RBM27: variants seen among roughly 807,000 people sequenced by gnomAD.
RBM27 encodes the protein RNA binding motif protein 27.
A neutral mutation model predicts 135.3 loss-of-function variants in RBM27; 22 were observed. The observed-to-expected ratio is 0.16, with a 90% CI of 0.12 to 0.23. RBM27 has a LOEUF of 0.23. Ranked by LOEUF, RBM27 falls within the 10% of genes least tolerant of loss-of-function variation. The pLI, the probability that RBM27 is intolerant of heterozygous loss-of-function variation, is 1.00. For synonymous variants in RBM27, 481 were observed against 442.4 expected, an observed-to-expected ratio of 1.09 and a Z score of -1.10; for missense variants, 1,009 against 1,281.0, an observed-to-expected ratio of 0.79 and a Z score of 3.24.
At chr5:146,233,776 G>C (rs938128487) in intron 7 of RBM27, 33 bp downstream of exon 7, 14 of 1,348,144 alleles carry the variant, frequency 1.0e-5, no homozygotes, top group Non-Finnish European at 1.3e-5. Context: ...TTTCTCTAGC[G>C]TTCTGTTTAG....
intron 1 of RBM27, among the ~76,000 whole-genome samples, chr5:146,206,303 G>GTT (rs761175102): frequency 2.2e-5 from 2 of 89,930 alleles, no homozygotes; most frequent in African/African-American, 7.4e-5. Context: ...TTCGTTTTTT[G>GTT]TTTTTTTTTT....
At chr5:146,269,632 C>A in intron 17 of RBM27, 48 bp downstream of exon 17, 2 of 1,335,338 alleles carry the variant, frequency 1.5e-6, no homozygotes, top group African/African-American at 1.5e-5. Context: ...GAACATCTGC[C>A]ATGTGCTTGA....
chr5:146,222,668 A>G (rs894516080), intron 2 of RBM27, among the ~76,000 whole-genome samples: 23 of 152,222 alleles, frequency 1.5e-4, no homozygotes, highest in Admixed American at 2.0e-4. Context: ...TGGGCAACAG[A>G]GCAAGATTCT....
intron 9 of RBM27, among the ~76,000 whole-genome samples, chr5:146,252,314 C>T (rs1016275939): frequency 6.6e-6 from 1 of 152,136 alleles, no homozygotes; most frequent in African/African-American, 2.4e-5. Flanking sequence ...CATAATGTAG[C>T]GATTCTTAAA....
intron 1 of RBM27, among the ~76,000 whole-genome samples, chr5:146,211,464 CTTTT>C (rs57117642): frequency 9.2e-4 from 46 of 49,918 alleles, no homozygotes; most frequent in East Asian, 6.3e-3. Flanking sequence ...ATGGTCTTAT[CTTTT>C]TTTTTTTTTT....
At chr5:146,238,061 A>G (rs1011822642) in intron 8 of RBM27, among the ~76,000 whole-genome samples, 1 of 152,188 alleles carries the variant, frequency 6.6e-6, no homozygotes, top group African/African-American at 2.4e-5. Flanking sequence ...TTGATTTTCT[A>G]AAGCATAAGA....
chr5:146,278,715 A>AT (rs1309549073), intron 19 of RBM27, among the ~76,000 whole-genome samples: 2 of 150,072 alleles, frequency 1.3e-5, no homozygotes, highest in African/African-American at 2.4e-5. Flanking sequence ...TGGACATCCA[A>AT]TTTTTTCCCA....
At chr5:146,281,417 T>C (rs746786644) in intron 19 of RBM27, among the ~76,000 whole-genome samples, 1 of 152,206 alleles carries the variant, frequency 6.6e-6, no homozygotes, top group Non-Finnish European at 1.5e-5. Context: ...TTTGTGTTGA[T>C]TAGCTGACAA....
rs1581255335 is a variant in RBM27, at chr5:146,286,775, T to C, written c.*745T>C. 1.3e-5 allele frequency: 2 copies of C among 152,242 alleles called. No individual in the cohort carries two copies. The highest frequency in any genetic ancestry group is 4.2e-4 in the South Asian group (2 of 4,818). 9.4% of individuals were successfully genotyped at this position (152,242 alleles called of 1,614,324 possible). A position where few individuals can be genotyped will look rare whatever the true frequency, so the allele number is the denominator to read the frequency against. On this transcript the variant is annotated 3_prime_UTR_variant, in exon 21 of 21. Coordinates refer to ENST00000265271, the MANE Select transcript of RBM27 (RefSeq NM_018989.2). Reference sequence around the variant, plus strand: ...TTAGTGAGCGCTGGTTCGGCTGGTCTTTTTAAAAATTTTTATAACTCAGAA... The same window carrying C: ...TTAGTGAGCGCTGGTTCGGCTGGTCCTTTTAAAAATTTTTATAACTCAGAA...
intron 19 of RBM27, 83 bp from the exon 20 acceptor site, chr5:146,284,539 T>C: frequency 1.1e-6 from 1 of 885,020 alleles, no homozygotes; most frequent in East Asian, 2.4e-5. Flanking sequence ...CCCTATGTTA[T>C]ACTTTTTAAA....
intron 1 of RBM27, among the ~76,000 whole-genome samples, chr5:146,214,562 T>G (rs1364871887): frequency 6.6e-6 from 1 of 152,190 alleles, no homozygotes; most frequent in African/African-American, 2.4e-5. Flanking sequence ...TACAGTATCA[T>G]GGCTGTTTTT....
intron 17 of RBM27, among the ~76,000 whole-genome samples, 158 bp downstream of exon 17, chr5:146,269,742 C>CTTTTT (rs34783557): frequency 8.4e-6 from 1 of 118,934 alleles, no homozygotes; most frequent in Admixed American, 8.8e-5. Context: ...ATTATAGTAC[C>CTTTTT]TTTTTTTTTT....
At chr5:146,276,397 C>A (rs888938095) in intron 19 of RBM27, among the ~76,000 whole-genome samples, 1 of 152,142 alleles carries the variant, frequency 6.6e-6, no homozygotes, top group African/African-American at 2.4e-5. Context: ...TGTGCTCCCA[C>A]AATATTTATA....
chr5:146,225,960 T>C (rs1756656570), intron 3 of RBM27, among the ~76,000 whole-genome samples: 1 of 151,854 alleles, frequency 6.6e-6, no homozygotes, highest in South Asian at 2.1e-4. Flanking sequence ...CCTTTCAGGT[T>C]CAGGCGATTA....
chr5:146,267,549 G>C (rs779257277), intron 14 of RBM27, 100 bp from the exon 15 acceptor site: 1 of 736,650 alleles, frequency 1.4e-6, no homozygotes, highest in Non-Finnish European at 2.2e-6. Flanking sequence ...TAACTCCTAA[G>C]AAGAGTAGAA....
At chr5:146,245,759 C>T (rs899003066) in intron 8 of RBM27, among the ~76,000 whole-genome samples, 2 of 152,022 alleles carry the variant, frequency 1.3e-5, no homozygotes, top group African/African-American at 2.4e-5. Context: ...TTGTAAATTG[C>T]GCATATGAAG....
At chr5:146,221,333 A>G (rs1408857003) in intron 2 of RBM27, among the ~76,000 whole-genome samples, 4 of 152,196 alleles carry the variant, frequency 2.6e-5, no homozygotes, top group South Asian at 4.1e-4. Flanking sequence ...GCACTGTCCA[A>G]TAGAACTTTG....
At position 146,261,745 on chromosome 5, in the gene RBM27, A is replaced by G. The variant is rs781660932; in HGVS notation, c.2129A>G (p.His710Arg). The G allele has an allele frequency of 2.5e-6, 4 of 1,614,122 alleles. No homozygotes were observed. In the South Asian group the frequency reaches 3.3e-5, roughly 13 times the overall value. Residue 710 changes from histidine (H) to arginine (R), a missense_variant, in exon 13 of 21, where the codon CAT becomes CGT. Coordinates refer to ENST00000265271, the MANE Select transcript of RBM27 (RefSeq NM_018989.2). ...QQHHHLPQHL[H>R]QQQVLVAQSA... is the part of the protein sequence containing the mutation. ...CACCATCACCTGCCACAGCATCTAC[A>G]TCAGCAGCAGGTGCTAGTGGCCCAG... is the stretch of plus-strand genomic sequence containing the variant.
chr5:146,260,720 C>G (rs1758359081), intron 11 of RBM27, 25 bp from the exon 12 acceptor site: 1 of 1,568,120 alleles, frequency 6.4e-7, no homozygotes. Flanking sequence ...GAGAATTAAC[C>G]AAGATGTATT....
Sources: gnomAD v4.1 joint callset for allele counts (sites outside exome capture counted in the v4.1 genomes callset) on GRCh38, gnomAD v4.1.1 for gene constraint, MANE v1.5 for transcripts, NCBI Gene and HGNC (gene_info 2026-07-23, HGNC 2026-07-21) for gene names.